The following NCAM2 variants were observed in gnomAD, a reference collection of about 807,000 sequenced individuals.
NCAM2 encodes neural cell adhesion molecule 2.
Under a neutral mutation model 98.1 loss-of-function variants are expected in NCAM2, and 30 were observed. The observed-to-expected ratio is 0.31, with a 90% CI of 0.23 to 0.41. The LOEUF (loss-of-function observed/expected upper bound fraction) is 0.41, where lower values mean the gene tolerates loss of function less well. Among genes scored for constraint, NCAM2 ranks in the 10% least tolerant of loss-of-function variants. The pLI is 1.00. For synonymous variants in NCAM2, 368 were observed against 342.4 expected (o/e 1.07, Z -0.83); for missense variants, 867 against 1,005.8 (o/e 0.86, Z 1.87).
intron 1 of NCAM2, among the ~76,000 whole-genome samples, chr21:21,052,126 T>A (rs1397918967): frequency 6.6e-6 from 1 of 150,544 alleles, no homozygotes; most frequent in African/African-American, 2.5e-5. Context: ...AGCTGTATCA[T>A]GAGAACTCAA....
intron 1 of NCAM2, among the ~76,000 whole-genome samples, chr21:21,026,324 C>G (rs984345461): frequency 2.6e-5 from 4 of 152,124 alleles, no homozygotes; most frequent in African/African-American, 7.2e-5. Context: ...TCTTCCAAGT[C>G]AAAAATACTT....
At chr21:21,056,812 A>G (rs894867301) in intron 1 of NCAM2, among the ~76,000 whole-genome samples, 2 of 152,192 alleles carry the variant, frequency 1.3e-5, no homozygotes, top group Admixed American at 1.3e-4. Flanking sequence ...CATGATGAGA[A>G]GGTCACGGGA....
intron 15 of NCAM2, among the ~76,000 whole-genome samples, chr21:21,502,017 GA>G (rs1487917414): frequency 6.6e-6 from 1 of 151,880 alleles, no homozygotes; most frequent in Non-Finnish European, 1.5e-5. Context: ...TCCCCTGGAG[GA>G]AACATTTCTA....
intron 1 of NCAM2, among the ~76,000 whole-genome samples, chr21:21,083,003 C>G (rs2032297): frequency 0.28 from 43,231 of 152,044 alleles, 6,885 homozygotes; most frequent in East Asian, 0.42. Flanking sequence ...CCTTGAGCAG[C>G]CTTTGCTTCT....
At chr21:21,216,709 G>A (rs931983152) in intron 1 of NCAM2, among the ~76,000 whole-genome samples, 1 of 152,096 alleles carries the variant, frequency 6.6e-6, no homozygotes, top group Admixed American at 6.6e-5. Context: ...TGAATAAGGG[G>A]GATTTAAGGA....
chr21:21,517,346 G>A (rs1454362854), intron 16 of NCAM2, among the ~76,000 whole-genome samples: 1 of 152,006 alleles, frequency 6.6e-6, no homozygotes, highest in Non-Finnish European at 1.5e-5. Flanking sequence ...TAAATTACAA[G>A]CTCATTGATT....
intron 1 of NCAM2, among the ~76,000 whole-genome samples, chr21:21,150,187 G>T (rs919580103): frequency 6.6e-6 from 1 of 152,114 alleles, no homozygotes; most frequent in Non-Finnish European, 1.5e-5. Flanking sequence ...TGTGGATATA[G>T]AAATACAATT....
At chr21:21,052,150 A>ATTTTTTTTTTTTTTTTTTTTTTTTTTTTT (rs5842877) in intron 1 of NCAM2, among the ~76,000 whole-genome samples, 3 of 74,808 alleles carry the variant, frequency 4.0e-5, no homozygotes, top group African/African-American at 1.7e-4. Context: ...CATGATGGCC[A>ATTTTTTTTTTTTTTTTTTTTTTTTTTTTT]TTTTTTTTTT....
chr21:21,397,876 T>C (rs2076547458), intron 9 of NCAM2, among the ~76,000 whole-genome samples: 1 of 152,196 alleles, frequency 6.6e-6, no homozygotes, highest in Non-Finnish European at 1.5e-5. Flanking sequence ...TATGGAAAAC[T>C]GTGTGGAGAT....
At chr21:21,386,327 T>A (rs2076270947) in intron 9 of NCAM2, among the ~76,000 whole-genome samples, 1 of 152,188 alleles carries the variant, frequency 6.6e-6, no homozygotes, top group South Asian at 2.1e-4. Context: ...CAGACACACA[T>A]TTTATATCTG....
chr21:21,083,668 G>A (rs938336728), intron 1 of NCAM2, among the ~76,000 whole-genome samples: 6 of 151,972 alleles, frequency 3.9e-5, no homozygotes, highest in Admixed American at 2.6e-4. Context: ...GCCCACCCCG[G>A]CATCCCAAAT....
chr21:21,517,498 T>A (rs1017007578), intron 16 of NCAM2, among the ~76,000 whole-genome samples: 2 of 152,120 alleles, frequency 1.3e-5, no homozygotes, highest in Non-Finnish European at 2.9e-5. Context: ...GTTCTTCTTG[T>A]GATATATTGT....
intron 1 of NCAM2, among the ~76,000 whole-genome samples, chr21:21,229,206 A>G (rs1475734616): frequency 6.6e-6 from 1 of 151,554 alleles, no homozygotes; most frequent in Non-Finnish European, 1.5e-5. Context: ...AATAAAATAT[A>G]CCTAAATGCA....
chr21:21,416,453 T>C (rs759812118), intron 10 of NCAM2, among the ~76,000 whole-genome samples: 23 of 151,076 alleles, frequency 1.5e-4, no homozygotes, highest in Non-Finnish European at 1.2e-4. Context: ...ATGGTGCTGT[T>C]AGATTGCTTA....
At chr21:21,097,298 T>C (rs1468955716) in intron 1 of NCAM2, among the ~76,000 whole-genome samples, 1 of 151,752 alleles carries the variant, frequency 6.6e-6, no homozygotes, top group Non-Finnish European at 1.5e-5. Context: ...CAGTGAAGTT[T>C]ATACTTTATG....
chr21:21,042,325 C>T (rs962265076), intron 1 of NCAM2, among the ~76,000 whole-genome samples: 2 of 152,222 alleles, frequency 1.3e-5, no homozygotes, highest in Admixed American at 6.5e-5. Flanking sequence ...GCTGGTATTA[C>T]GGGCATGCAC....
At chr21:21,189,292 A>G (rs1254858230) in intron 1 of NCAM2, among the ~76,000 whole-genome samples, 1 of 152,136 alleles carries the variant, frequency 6.6e-6, no homozygotes, top group African/African-American at 2.4e-5. Flanking sequence ...ATATATAATA[A>G]AATAAAAATA....
At chr21:21,349,343 A>C (rs1695457791) in intron 8 of NCAM2, among the ~76,000 whole-genome samples, 1 of 152,160 alleles carries the variant, frequency 6.6e-6, no homozygotes, top group African/African-American at 2.4e-5. Flanking sequence ...AATGTCATGG[A>C]TCATCAGATA....
chr21:21,319,534 A>T (rs2074317261), intron 5 of NCAM2, among the ~76,000 whole-genome samples: 1 of 152,126 alleles, frequency 6.6e-6, no homozygotes, highest in African/African-American at 2.4e-5. Flanking sequence ...CCAGCTGCTC[A>T]GGAGGCTGAG....
Sources: gnomAD v4.1 joint callset for allele counts (sites outside exome capture counted in the v4.1 genomes callset) on GRCh38, gnomAD v4.1.1 for gene constraint, MANE v1.5 for transcripts, NCBI Gene and HGNC (gene_info 2026-07-23, HGNC 2026-07-21) for gene names.